Variants in LRP1B observed in about 807,000 individuals in gnomAD.
LRP1B encodes the protein LDL receptor related protein 1B.
In LRP1B, 217 loss-of-function variants were observed where a neutral mutation model predicts 556.6. The ratio of observed to expected loss-of-function variants is 0.39; its 90% confidence interval spans 0.35 to 0.44. LRP1B has a LOEUF of 0.44. Ranked by LOEUF, LRP1B falls within the 20% of genes least tolerant of loss-of-function variation. LRP1B has a pLI of 1.00. For synonymous variants in LRP1B, 2,047 were observed against 1,865.8 expected, an observed-to-expected ratio of 1.10 and a Z score of -2.50; for missense variants, 5,053 against 5,620.8, an observed-to-expected ratio of 0.90 and a Z score of 3.23.
At chr2:140,578,771 A>T (rs1324403570) in intron 43 of LRP1B, among the ~76,000 whole-genome samples, 4 of 152,110 alleles carry the variant, frequency 2.6e-5, no homozygotes, top group Non-Finnish European at 4.4e-5. Flanking sequence ...AAAAAAATCA[A>T]TCCCTTTCTC....
chr2:141,601,258 G>A (rs115807060), intron 2 of LRP1B, among the ~76,000 whole-genome samples: 1,809 of 147,932 alleles, frequency 0.012, 40 homozygotes, highest in African/African-American at 0.043. Context: ...AACAGCACAT[G>A]AAATGCCTCT....
intron 41 of LRP1B, among the ~76,000 whole-genome samples, chr2:140,645,481 ATTCT>A (rs1470264310): frequency 7.6e-6 from 1 of 132,008 alleles, no homozygotes; most frequent in Non-Finnish European, 1.6e-5. Flanking sequence ...GTAAGAAATT[ATTCT>A]TTCTTTCTAT....
intron 1 of LRP1B, among the ~76,000 whole-genome samples, chr2:142,118,138 AT>A (rs1056905559): frequency 3.1e-4 from 47 of 151,172 alleles, no homozygotes; most frequent in Non-Finnish European, 4.7e-4. Flanking sequence ...CCTTTATATG[AT>A]TTTTTTTTCT....
At chr2:141,593,236 T>A (rs377503541) in intron 2 of LRP1B, among the ~76,000 whole-genome samples, 3 of 152,254 alleles carry the variant, frequency 2.0e-5, no homozygotes, top group African/African-American at 7.2e-5. Context: ...AGAAAAAACC[T>A]GGACCCATGA....
rs190616319 is a variant in LRP1B at position 140,801,632 on chromosome 2, C to A, written c.5359+12025G>T. Among the ~76,000 whole-genome samples the A allele has an allele frequency of 5.4e-5, 8 of 148,850 alleles. No individual in the cohort carries two copies. The East Asian group carries it at 1.6e-3, about 29-fold the overall frequency. Reference sequence around the variant, plus strand: ...TGTGAGACTAATAATGCTAATAATGCTTTGGATTTTAACAAATCTTATTGA... The same window carrying A: ...TGTGAGACTAATAATGCTAATAATGATTTGGATTTTAACAAATCTTATTGA... On this transcript the variant is annotated intron_variant, in intron 32 of 90. Transcript: ENST00000389484.
intron 2 of LRP1B, among the ~76,000 whole-genome samples, chr2:141,720,717 G>A (rs1692779777): frequency 2.0e-5 from 3 of 151,936 alleles, no homozygotes; most frequent in African/African-American, 7.2e-5. Flanking sequence ...TTGGCTTCAA[G>A]TTGTTGATTT....
At chr2:141,093,138 T>TA (rs1481892588) in intron 7 of LRP1B, among the ~76,000 whole-genome samples, 1 of 151,434 alleles carries the variant, frequency 6.6e-6, no homozygotes, top group Non-Finnish European at 1.5e-5. Flanking sequence ...AATAATGCAG[T>TA]AAAAAAAGAT....
chr2:141,923,349 A>G (rs1700239640), intron 1 of LRP1B, among the ~76,000 whole-genome samples: 1 of 145,964 alleles, frequency 6.9e-6, no homozygotes, highest in African/African-American at 2.5e-5. Context: ...AAAATAGATA[A>G]AGCTTTTAAT....
At chr2:141,382,241 TC>T (rs1436479462) in intron 3 of LRP1B, among the ~76,000 whole-genome samples, 1 of 152,110 alleles carries the variant, frequency 6.6e-6, no homozygotes, top group African/African-American at 2.4e-5. Flanking sequence ...TCAACTGAGG[TC>T]CCAGTTTAGA....
chr2:141,843,289 A>G (rs576879528), intron 1 of LRP1B, among the ~76,000 whole-genome samples: 1 of 152,284 alleles, frequency 6.6e-6, no homozygotes, highest in East Asian at 1.9e-4. Context: ...CATTTAACAC[A>G]TTGGGAAGTT....
chr2:141,123,128 A>C (rs1471255866), intron 7 of LRP1B, among the ~76,000 whole-genome samples: 1 of 152,046 alleles, frequency 6.6e-6, no homozygotes, highest in East Asian at 1.9e-4. Context: ...GCATTAGGAG[A>C]TATACCTAAT....
Position 141,303,828 on chromosome 2 carries a change from C to A in LRP1B, c.344-49187G>T, listed in dbSNP as rs556263861. ...GGTAGTTCTAGTTTTAGTTTTTAAG[C>A]AAATCTCCATACTGTTTTCCATACT... On this transcript the variant is annotated intron_variant, in intron 3 of 90. Transcript: ENST00000389484. Among the ~76,000 whole-genome samples, 11 of 152,162 alleles carry A rather than the reference C, an allele frequency of 7.2e-5. No homozygotes were observed. The East Asian group carries it at 2.1e-3, about 29-fold the overall frequency.
intron 7 of LRP1B, among the ~76,000 whole-genome samples, chr2:141,147,151 G>A (rs978354904): frequency 2.0e-5 from 3 of 152,124 alleles, no homozygotes; most frequent in Non-Finnish European, 2.9e-5. Context: ...CACTTTTTAG[G>A]TTGTTCCATG....
At chr2:140,485,811 T>G (rs1180825771) in intron 58 of LRP1B, among the ~76,000 whole-genome samples, 1 of 150,020 alleles carries the variant, frequency 6.7e-6, no homozygotes, top group African/African-American at 2.4e-5. Flanking sequence ...AATCTATTCA[T>G]CCTCTTAAAA....
intron 27 of LRP1B, among the ~76,000 whole-genome samples, chr2:140,866,968 T>C (rs934952439): frequency 2.0e-5 from 3 of 152,186 alleles, no homozygotes; most frequent in South Asian, 2.1e-4. Context: ...AAAGGGGTCA[T>C]TGTTTGCATT....
At chr2:141,306,776 C>A (rs1358900908) in intron 3 of LRP1B, among the ~76,000 whole-genome samples, 1 of 151,966 alleles carries the variant, frequency 6.6e-6, no homozygotes, top group Non-Finnish European at 1.5e-5. Flanking sequence ...ATTCACAATA[C>A]TTTTGCTATA....
intron 1 of LRP1B, among the ~76,000 whole-genome samples, chr2:141,915,822 T>C (rs1055812540): frequency 2.6e-5 from 4 of 151,794 alleles, no homozygotes; most frequent in African/African-American, 9.7e-5. Flanking sequence ...AACAAACATA[T>C]AAAAAATGCT....
intron 7 of LRP1B, among the ~76,000 whole-genome samples, chr2:141,159,894 A>G (rs560210875): frequency 3.1e-4 from 47 of 152,326 alleles, no homozygotes; most frequent in Non-Finnish European, 5.4e-4. Context: ...ACACAGGAAC[A>G]GAAAACCAAA....
chr2:141,257,738 G>C (rs1178117771), intron 3 of LRP1B, among the ~76,000 whole-genome samples: 1 of 152,130 alleles, frequency 6.6e-6, no homozygotes, highest in Non-Finnish European at 1.5e-5. Context: ...AGGATATTAG[G>C]TGAAATGGTA....
Sources: allele counts gnomAD v4.1 joint callset (sites outside exome capture counted in the v4.1 genomes callset), GRCh38; gene constraint gnomAD v4.1.1; transcripts MANE v1.5; gene names NCBI Gene and HGNC (gene_info 2026-07-23, HGNC 2026-07-21).